CNKSR2: variants seen among roughly 807,000 people sequenced by gnomAD.
The protein encoded by CNKSR2 is connector enhancer of kinase suppressor of Ras 2, also known as CNK homolog protein 2.
Under a neutral mutation model 84.4 loss-of-function variants are expected in CNKSR2, and 14 were observed. The observed-to-expected ratio is 0.17, with a 90% CI of 0.11 to 0.26. The LOEUF is 0.26. CNKSR2 is among the 10% of genes least tolerant of loss of function. The pLI, the probability that CNKSR2 is intolerant of heterozygous loss-of-function variation, is 1.00. For missense variants in CNKSR2, 485 were observed against 771.2 expected (o/e 0.63, Z 4.40); for synonymous variants, 275 against 277.9 (o/e 0.99, Z 0.10).
intron 11 of CNKSR2, among the ~76,000 whole-genome samples, chrX:21,560,960 T>A (rs762905737): frequency 9.1e-6 from 1 of 110,420 alleles, no homozygotes; most frequent in African/African-American, 3.3e-5. Flanking sequence ...TGAGGCATGG[T>A]GGTGTCCAAA....
chrX:21,426,956 A>C, intron 2 of CNKSR2: 1 of 279,860 alleles, frequency 3.6e-6, no homozygotes, highest in Non-Finnish European at 6.1e-6. Context: ...CTCATGTGCT[A>C]GGCTCTCACA....
intron 4 of CNKSR2, among the ~76,000 whole-genome samples, chrX:21,460,485 A>G (rs2091048154): frequency 8.9e-6 from 1 of 112,174 alleles, no homozygotes; most frequent in Non-Finnish European, 1.9e-5. Flanking sequence ...CAATGTATTC[A>G]TAATCACATC....
At chrX:21,634,507 T>C (rs1314699732) in intron 20 of CNKSR2, among the ~76,000 whole-genome samples, 2 of 111,616 alleles carry the variant, frequency 1.8e-5, no homozygotes, top group Middle Eastern at 4.6e-3. Context: ...AATAAGGCAT[T>C]AACATTTAGA....
At chrX:21,386,291 G>A (rs2089969476) in intron 1 of CNKSR2, among the ~76,000 whole-genome samples, 1 of 111,729 alleles carries the variant, frequency 9.0e-6, no homozygotes, top group Non-Finnish European at 1.9e-5. Context: ...CCTACAAAAT[G>A]TTAATTCATC....
intron 7 of CNKSR2, 26 bp from the exon 8 acceptor site, chrX:21,501,494 T>C (rs766289788): frequency 9.7e-7 from 1 of 1,031,581 alleles, no homozygotes; most frequent in South Asian, 2.2e-5. Flanking sequence ...TTATGTTCTT[T>C]ATCGTTTCTT....
chrX:21,461,339 A>G (rs1303352949), intron 4 of CNKSR2, among the ~76,000 whole-genome samples: 1 of 112,152 alleles, frequency 8.9e-6, no homozygotes, highest in African/African-American at 3.2e-5. Flanking sequence ...TTCTTTTGAA[A>G]ACTGTCTATT....
rs548836127 is a variant in CNKSR2, at chrX:21,503,099, G to C, written c.810+1511G>C. 7.0e-5 allele frequency: 19 copies of C among 271,950 alleles called. No homozygotes were observed. The South Asian group carries it at 4.2e-3, about 60-fold the overall frequency. The allele number at this position is 271,950 out of a possible 1,213,427, so 22.4% of individuals were successfully genotyped here. A position where few individuals can be genotyped will look rare whatever the true frequency, so the allele number is the denominator to read the frequency against. ...TCTAATAAAAATAAAATTATTTAAA[G>C]GATATTGTTTGTGGAACAAAGATAC... On this transcript the variant is annotated intron_variant, in intron 8 of 21. Coordinates refer to ENST00000379510, the MANE Select transcript of CNKSR2 (RefSeq NM_014927.5).
intron 3 of CNKSR2, among the ~76,000 whole-genome samples, chrX:21,433,710 T>A (rs981512588): frequency 9.3e-6 from 1 of 107,898 alleles, no homozygotes; most frequent in Non-Finnish European, 1.9e-5. Context: ...GTATTACATT[T>A]TGGCATTTTA....
intron 5 of CNKSR2, among the ~76,000 whole-genome samples, chrX:21,477,517 AT>A (rs1251210508): frequency 1.8e-5 from 2 of 109,119 alleles, no homozygotes; most frequent in African/African-American, 6.7e-5. Flanking sequence ...ATTCTTTGTA[AT>A]TTTTTCCTTT....
intron 9 of CNKSR2, among the ~76,000 whole-genome samples, chrX:21,521,182 T>G (rs751316300): frequency 2.7e-5 from 3 of 109,924 alleles, no homozygotes; most frequent in Non-Finnish European, 5.8e-5. Context: ...GACAAAAAAA[T>G]TTATCTGTTT....
At chrX:21,399,274 A>T (rs1273399111) in intron 1 of CNKSR2, among the ~76,000 whole-genome samples, 1 of 111,491 alleles carries the variant, frequency 9.0e-6, no homozygotes. Context: ...CATACTTAAA[A>T]TAAGTACCTA....
rs998326739 is a variant in CNKSR2, at chrX:21,507,860, T to G, written c.810+6272T>G. On this transcript the variant is annotated intron_variant, in intron 8 of 21. Coordinates refer to ENST00000379510, the MANE Select transcript of CNKSR2 (RefSeq NM_014927.5). ...GGAGCTTTAACATTTTAGATAAGGA[T>G]GCTTCATTTTACTCCTTAGCTTTGG... Among the ~76,000 whole-genome samples the G allele has an allele frequency of 1.3e-4, 15 of 111,997 alleles. 1 individual carries two copies. Among genetic ancestry groups the G allele is most frequent in the Non-Finnish European group, 7.5e-5 (4 of 53,175 alleles).
At chrX:21,478,369 T>C (rs2091281121) in intron 5 of CNKSR2, among the ~76,000 whole-genome samples, 1 of 111,841 alleles carries the variant, frequency 8.9e-6, no homozygotes. Flanking sequence ...TATAACATGA[T>C]AGAGGTGGAA....
intron 13 of CNKSR2, among the ~76,000 whole-genome samples, chrX:21,580,980 G>T (rs1336415187): frequency 9.0e-6 from 1 of 111,620 alleles, no homozygotes; most frequent in Non-Finnish European, 1.9e-5. Flanking sequence ...TCTGTCTCAA[G>T]TGCAAATCTA....
chrX:21,532,866 T>G (rs1177488134), intron 11 of CNKSR2, among the ~76,000 whole-genome samples: 7 of 111,562 alleles, frequency 6.3e-5, no homozygotes, highest in African/African-American at 2.3e-4. Context: ...GCATCCCTGC[T>G]AATTAGTTCA....
chrX:21,583,431 T>C (rs2092365709), intron 13 of CNKSR2, among the ~76,000 whole-genome samples: 1 of 112,241 alleles, frequency 8.9e-6, no homozygotes, highest in Non-Finnish European at 1.9e-5. Context: ...GAGAAAACAT[T>C]TTTTGTAAAG....
intron 1 of CNKSR2, among the ~76,000 whole-genome samples, chrX:21,418,204 AC>A (rs1220013991): frequency 9.0e-6 from 1 of 111,357 alleles, no homozygotes; most frequent in African/African-American, 3.3e-5. Flanking sequence ...CCACTATTTA[AC>A]TTTTTGTTGT....
chrX:21,550,041 AT>A (rs778293981), intron 11 of CNKSR2, among the ~76,000 whole-genome samples: 1 of 112,227 alleles, frequency 8.9e-6, no homozygotes, highest in Non-Finnish European at 1.9e-5. Flanking sequence ...ACCAAAAGCA[AT>A]GGCAACAAAA....
At chrX:21,499,146 T>G (rs1017865859) in intron 7 of CNKSR2, among the ~76,000 whole-genome samples, 7 of 111,815 alleles carry the variant, frequency 6.3e-5, no homozygotes, top group African/African-American at 2.3e-4. Context: ...TTTAACAATT[T>G]TAAATGCAGT....
Sources: gnomAD v4.1 joint callset for allele counts (sites outside exome capture counted in the v4.1 genomes callset) on GRCh38, gnomAD v4.1.1 for gene constraint, MANE v1.5 for transcripts, NCBI Gene and HGNC (gene_info 2026-07-23, HGNC 2026-07-21) for gene names.